DSCAM: variants seen among roughly 807,000 people sequenced by gnomAD.
The protein encoded by DSCAM is DS cell adhesion molecule.
A neutral mutation model predicts 217.7 loss-of-function variants in DSCAM; 47 were observed. That is an observed-to-expected ratio of 0.22 (90% confidence interval 0.17 to 0.28). The LOEUF (loss-of-function observed/expected upper bound fraction) is 0.28. Ranked by LOEUF, DSCAM falls within the 10% of genes least tolerant of loss-of-function variation. The pLI, the probability that DSCAM is intolerant of heterozygous loss-of-function variation, is 1.00. For missense variants in DSCAM, 2,080 were observed against 2,618.3 expected (o/e 0.79, Z 4.49); for synonymous variants, 1,056 against 1,015.3 (o/e 1.04, Z -0.76).
chr21:40,419,874 T>C (rs2123815669), intron 3 of DSCAM, among the ~76,000 whole-genome samples: 1 of 152,228 alleles, frequency 6.6e-6, no homozygotes, highest in Non-Finnish European at 1.5e-5. Context: ...ACCCACTTTA[T>C]ACCCAAGAAA....
At chr21:40,389,833 C>T (rs571356240) in intron 3 of DSCAM, among the ~76,000 whole-genome samples, 2 of 152,278 alleles carry the variant, frequency 1.3e-5, no homozygotes, top group East Asian at 3.9e-4. Context: ...AACTTAAGAA[C>T]ACAGATTTGG....
At position 40,042,561 on chromosome 21, in the gene DSCAM, G is replaced by A; in HGVS notation, c.5496C>T (p.Phe1832=). Residue 1832 remains phenylalanine (F), a synonymous_variant, in exon 32 of 33, where the codon TTC becomes TTT. Coordinates refer to ENST00000400454, the MANE Select transcript of DSCAM (RefSeq NM_001389.5). The part of the protein sequence containing the change: ...KMEEQLRHAK[F]TITECFISDT... ...CTGATATGAAGCACTCCGTGATGGTGAACTTGGCGTGCCTCAGTTGCTCTT... is the reference window on the plus strand; with the variant it reads ...CTGATATGAAGCACTCCGTGATGGTAAACTTGGCGTGCCTCAGTTGCTCTT... 1 of 1,614,206 alleles carries A rather than the reference G, an allele frequency of 6.2e-7. No individual in the cohort carries two copies.
chr21:40,475,757 G>A (rs187782470), intron 3 of DSCAM, among the ~76,000 whole-genome samples: 70 of 152,264 alleles, frequency 4.6e-4, no homozygotes, highest in African/African-American at 1.4e-3. Flanking sequence ...CTTGAACCTG[G>A]GAGGCGGAGG....
At chr21:40,511,989 T>TAAAAAAAAA (rs2076261780) in intron 3 of DSCAM, among the ~76,000 whole-genome samples, 1 of 9,972 alleles carries the variant, frequency 1.0e-4, no homozygotes, top group South Asian at 2.3e-3. Context: ...AGACTCTGTC[T>TAAAAAAAAA]CAAAAAAAAA....
At chr21:40,456,833 T>C (rs1174676631) in intron 3 of DSCAM, among the ~76,000 whole-genome samples, 6 of 152,186 alleles carry the variant, frequency 3.9e-5, no homozygotes, top group African/African-American at 1.2e-4. Context: ...CATATTTCTA[T>C]ATATTTATGA....
intron 20 of DSCAM, 61 bp downstream of exon 20, chr21:40,124,134 G>C: frequency 1.2e-6 from 2 of 1,607,916 alleles, no homozygotes; most frequent in South Asian, 2.2e-5. Context: ...TGTCCAGTGC[G>C]AGCACCTGCA....
chr21:40,829,810 GGCCACAAGT>G (rs1307241758), intron 1 of DSCAM, among the ~76,000 whole-genome samples: 1 of 152,170 alleles, frequency 6.6e-6, no homozygotes, highest in African/African-American at 2.4e-5. Flanking sequence ...GCATGGGAGA[GGCCACAAGT>G]GCTTGGCAAT....
chr21:40,219,893 C>T (rs1177210929), intron 11 of DSCAM, among the ~76,000 whole-genome samples: 1 of 152,110 alleles, frequency 6.6e-6, no homozygotes, highest in African/African-American at 2.4e-5. Flanking sequence ...TATATATACA[C>T]CAAATAGCAT....
At chr21:40,254,976 G>T (rs1222567617) in intron 11 of DSCAM, among the ~76,000 whole-genome samples, 1 of 152,068 alleles carries the variant, frequency 6.6e-6, no homozygotes, top group South Asian at 2.1e-4. Context: ...CAAATTATAA[G>T]CTCCGTGTGG....
chr21:40,523,588 C>T (rs2076376857), intron 3 of DSCAM, among the ~76,000 whole-genome samples: 1 of 152,188 alleles, frequency 6.6e-6, no homozygotes, highest in Non-Finnish European at 1.5e-5. Context: ...TCCCTTCTGG[C>T]TCCCCCATCT....
chr21:40,230,879 G>A (rs748836616), intron 11 of DSCAM, among the ~76,000 whole-genome samples: 8 of 152,002 alleles, frequency 5.3e-5, no homozygotes, highest in Non-Finnish European at 1.0e-4. Context: ...TTTCAGGGCC[G>A]TGTCCTTCCA....
chr21:40,639,626 G>A (rs913690009), intron 3 of DSCAM, among the ~76,000 whole-genome samples: 1 of 152,078 alleles, frequency 6.6e-6, no homozygotes, highest in Non-Finnish European at 1.5e-5. Flanking sequence ...GAGCCTCCAT[G>A]TGTAAAATAA....
Position 40,339,121 on chromosome 21 carries a change from C to G in DSCAM, c.1505G>C (p.Arg502Thr). 1.2e-6 allele frequency: 2 copies of G among 1,613,988 alleles called. No individual in the cohort carries two copies. Among genetic ancestry groups the G allele is most frequent in the Non-Finnish European group, 1.7e-6 (2 of 1,179,966 alleles). ...VVLYQARINV[R>T]GPASIRPMKN... Reference sequence around the variant, plus strand: ...TGAGGAGCTGATTTGACAAGCACCTCTTACGTTTATTCGAGCCTGGTACAG... The same window carrying G: ...TGAGGAGCTGATTTGACAAGCACCTGTTACGTTTATTCGAGCCTGGTACAG... The change falls in exon 7 of 33, where the codon AGA (arginine) becomes ACA (threonine). Residue 502 changes from arginine (R) to threonine (T), a missense_variant and splice_region_variant. Around this residue, in one of 5 missense-constraint regions of DSCAM, gnomAD observed 568 missense variants for 678.1 expected, o/e 0.84. Coordinates refer to ENST00000400454, the MANE Select transcript of DSCAM (RefSeq NM_001389.5).
At chr21:40,579,685 G>A (rs2076887796) in intron 3 of DSCAM, among the ~76,000 whole-genome samples, 4 of 152,206 alleles carry the variant, frequency 2.6e-5, no homozygotes, top group Admixed American at 1.3e-4. Flanking sequence ...ATCGTCGCTA[G>A]AAAATCATTA....
chr21:40,692,010 T>C (rs2146448598), intron 3 of DSCAM, among the ~76,000 whole-genome samples: 1 of 152,388 alleles, frequency 6.6e-6, no homozygotes, highest in South Asian at 2.1e-4. Flanking sequence ...CACCCGCATG[T>C]GAGGGCATAC....
chr21:40,050,222 T>G (rs951452978), intron 30 of DSCAM, among the ~76,000 whole-genome samples: 13 of 152,186 alleles, frequency 8.5e-5, no homozygotes, highest in Admixed American at 6.5e-4. Context: ...TTCTGATGCA[T>G]GTAAAGGTGG....
chr21:40,267,999 A>T (rs2073563741), intron 11 of DSCAM, among the ~76,000 whole-genome samples: 1 of 152,216 alleles, frequency 6.6e-6, no homozygotes. Flanking sequence ...ACAAATACAC[A>T]CACATATATA....
intron 9 of DSCAM, among the ~76,000 whole-genome samples, chr21:40,307,946 G>A (rs1389213864): frequency 7.8e-6 from 1 of 129,022 alleles, no homozygotes; most frequent in African/African-American, 2.8e-5. Flanking sequence ...GATGAGGGGA[G>A]GGGGGAGGGA....
At position 40,012,827 on chromosome 21, in the gene DSCAM, T is replaced by C. The variant is rs991966818; in HGVS notation, c.*207A>G. ...TGGACTTCTTTCCCAAAAAATCAGA[T>C]GCCCAGGCGGATGGAGCTCACACTC... On this transcript the variant is annotated 3_prime_UTR_variant, in exon 33 of 33. Transcript: ENST00000400454. The C allele has an allele frequency of 1.1e-5, 4 of 373,178 alleles. No individual in the cohort carries two copies. The highest frequency in any genetic ancestry group is 2.1e-5 in the African/African-American group (1 of 47,958). 23.1% of individuals were successfully genotyped at this position (373,178 alleles called of 1,614,324 possible). A position where few individuals can be genotyped will look rare whatever the true frequency, so the allele number is the denominator to read the frequency against.
Sources: gnomAD v4.1 joint callset for allele counts (sites outside exome capture counted in the v4.1 genomes callset) on GRCh38, gnomAD v4.1.1 for gene constraint, gnomAD v4.1.1 regional missense constraint, MANE v1.5 for transcripts, NCBI Gene and HGNC (gene_info 2026-07-23, HGNC 2026-07-21) for gene names.